The following ZHX3 variants were observed in gnomAD, a reference collection of about 807,000 sequenced individuals.
The protein encoded by ZHX3 is zinc fingers and homeoboxes 3, also known as zinc fingers and homeoboxes protein 3.
A neutral mutation model predicts 64.5 loss-of-function variants in ZHX3; 20 were observed. That is an observed-to-expected ratio of 0.31 (90% CI 0.22 to 0.45). ZHX3 has a LOEUF of 0.45. Among genes scored for constraint, ZHX3 ranks in the 20% least tolerant of loss-of-function variants. ZHX3 has a pLI of 1.00. For missense variants in ZHX3, 1,041 were observed against 1,195.8 expected, an observed-to-expected ratio of 0.87 and a Z score of 1.91; for synonymous variants, 423 against 461.6, an observed-to-expected ratio of 0.92 and a Z score of 1.07.
intron 1 of ZHX3, among the ~76,000 whole-genome samples, chr20:41,304,569 C>CTATA (rs570463916): frequency 2.0e-5 from 3 of 152,138 alleles, no homozygotes; most frequent in Non-Finnish European, 4.4e-5. Context: ...TATGAAACAA[C>CTATA]TATATATATG....
rs1438356475 is a variant in ZHX3, at chr20:41,317,632, C to G, written c.-368G>C. The G allele has an allele frequency of 2.0e-5, 3 of 149,694 alleles. No homozygotes were observed. The highest frequency in any genetic ancestry group is 6.6e-5 in the Admixed American group (1 of 15,048). The allele number at this position is 149,694 out of a possible 1,614,324, so 9.3% of individuals were successfully genotyped here. On this transcript the variant is annotated 5_prime_UTR_variant, in exon 1 of 4. Coordinates refer to ENST00000683867, the MANE Select transcript of ZHX3 (RefSeq NM_001384317.1). ...GCAGAGGCGGCGGCGGCGGCGACGC[C>G]GGAGCCGCGGACTGCTGAGCGGCGG...
At position 41,224,105 on chromosome 20, in the gene ZHX3, T is replaced by C. The variant is rs2040117790; in HGVS notation, c.-150-19039A>G. On this transcript the variant is annotated intron_variant, in intron 2 of 3. Coordinates refer to ENST00000683867, the MANE Select transcript of ZHX3 (RefSeq NM_001384317.1). This position sits in a 1 kb window ranked among gnomAD's most constrained non-coding sequence, Gnocchi z 5.2. ...AGCAAAACAAAAAAAATACCCAAAA[T>C]GGAGGAGTGGGACAATATATGCAGT... Among the ~76,000 whole-genome samples, 1 of 152,026 alleles carries C rather than the reference T, an allele frequency of 6.6e-6. No homozygotes were observed. Among genetic ancestry groups the C allele is most frequent in the Non-Finnish European group, 1.5e-5 (1 of 68,000 alleles).
chr20:41,228,461 G>A lies in ZHX3; in HGVS notation c.-150-23395C>T, dbSNP rs1292751334. Among the ~76,000 whole-genome samples the A allele has an allele frequency of 6.6e-6, 1 of 152,184 alleles. No homozygotes were observed. Among genetic ancestry groups the A allele is most frequent in the Non-Finnish European group, 1.5e-5 (1 of 68,042 alleles). On this transcript the variant is annotated intron_variant, in intron 2 of 3. Transcript: ENST00000683867. The surrounding 1 kb of genome is among the most constrained non-coding windows in gnomAD (Gnocchi z 4.6). ...TAGACTGGATGGCTTATAAACAACA[G>A]AAATGTATTTCTCACAGTTCTTGAG...
Position 41,202,591 on chromosome 20 carries a change from G to A in ZHX3, c.2326C>T (p.Arg776Trp), listed in dbSNP as rs373410498. ...ACAAAGAGCTGCCGCAGCAAGTGCC[G>A]CTGCTGGGCAGTCTTTTTGCAGCTC... is the stretch of plus-strand genomic sequence containing the variant. ...KVSCKKTAQQ[R>W]HLLRQLFVQT... is the part of the protein sequence containing the mutation. Residue 776 changes from arginine to tryptophan, a missense_variant, in exon 3 of 4, where the codon CGG (arginine) becomes TGG (tryptophan). By Grantham distance (101) the Arg-to-Trp change is moderately radical. Around this residue, in one of 4 missense-constraint regions of ZHX3, gnomAD observed 649 missense variants for 739.8 expected, o/e 0.88. Coordinates refer to ENST00000683867, the MANE Select transcript of ZHX3 (RefSeq NM_001384317.1). This position sits in a 1 kb window ranked among gnomAD's most constrained non-coding sequence, Gnocchi z 7.0. The A allele has an allele frequency of 4.4e-5, 71 of 1,613,778 alleles. No homozygotes were observed. The highest frequency in any genetic ancestry group is 1.6e-4 in the African/African-American group (12 of 74,902).
rs1301118137 is a variant in ZHX3, at chr20:41,219,843, A to G, written c.-150-14777T>C. Among the ~76,000 whole-genome samples the G allele has an allele frequency of 6.6e-6, 1 of 152,250 alleles. No homozygotes were observed. The highest frequency in any genetic ancestry group is 2.4e-5 in the African/African-American group (1 of 41,464). On this transcript the variant is annotated intron_variant, in intron 2 of 3. Transcript: ENST00000683867. This position sits in a 1 kb window ranked among gnomAD's most constrained non-coding sequence, Gnocchi z 5.0. Reference sequence around the variant, plus strand: ...GGGGAAAAGTTTTATGAGAAAGTATAGGCTTTGCCTCACTATTTATTCTCT... The same window carrying G: ...GGGGAAAAGTTTTATGAGAAAGTATGGGCTTTGCCTCACTATTTATTCTCT...
chr20:41,241,672 G>C (rs1257105655), intron 2 of ZHX3, among the ~76,000 whole-genome samples: 1 of 152,150 alleles, frequency 6.6e-6, no homozygotes, highest in Non-Finnish European at 1.5e-5. Flanking sequence ...TTTGAAGTTA[G>C]GTAATGTGAT....
At chr20:41,233,112 C>T (rs2040735168) in intron 2 of ZHX3, among the ~76,000 whole-genome samples, 1 of 152,222 alleles carries the variant, frequency 6.6e-6, no homozygotes, top group African/African-American at 2.4e-5. Flanking sequence ...TCCCAATCAC[C>T]TTTTGAATGC....
intron 2 of ZHX3, among the ~76,000 whole-genome samples, chr20:41,257,208 C>T (rs1288555827): frequency 6.6e-6 from 1 of 152,186 alleles, no homozygotes; most frequent in African/African-American, 2.4e-5. Flanking sequence ...GCAACATCTT[C>T]AGAGAACTTA....
rs1391668224 is a variant in ZHX3, at chr20:41,232,798, G to T, written c.-150-27732C>A. 6.6e-6 allele frequency among the ~76,000 whole-genome samples: 1 copy of T among 151,846 alleles called. No individual in the cohort carries two copies. The highest frequency in any genetic ancestry group is 2.4e-5 in the African/African-American group (1 of 41,326). On this transcript the variant is annotated intron_variant, in intron 2 of 3. Coordinates refer to ENST00000683867, the MANE Select transcript of ZHX3 (RefSeq NM_001384317.1). The surrounding 1 kb of genome is among the most constrained non-coding windows in gnomAD (Gnocchi z 5.0). The stretch of plus-strand genomic sequence containing the variant: ...GACGGGGTTTCACCGTGTTAGCCAG[G>T]ATAGTCTCGATCTCCTGACCTCGTG...
intron 1 of ZHX3, among the ~76,000 whole-genome samples, chr20:41,305,791 A>T (rs1164528444): frequency 6.6e-6 from 1 of 152,028 alleles, no homozygotes; most frequent in Non-Finnish European, 1.5e-5. Flanking sequence ...CTCAAAAAAA[A>T]TATAAATAAA....
chr20:41,196,576 A>ATATATATATTATATATAATATATATAAAT, intron 3 of ZHX3: 1 of 93,234 alleles, frequency 1.1e-5, no homozygotes, highest in Non-Finnish European at 2.0e-5. Context: ...TATATATAAA[A>ATATATATATTATATATAATATATATAAAT]ATATATATAT....
chr20:41,192,804 T>A (rs535740557), intron 3 of ZHX3, among the ~76,000 whole-genome samples: 2 of 152,320 alleles, frequency 1.3e-5, no homozygotes, highest in East Asian at 3.9e-4. Context: ...CAGTGCGAGC[T>A]CCGTTCTGGA....
intron 2 of ZHX3, among the ~76,000 whole-genome samples, chr20:41,231,182 C>T (rs918613834): frequency 2.6e-5 from 4 of 152,086 alleles, no homozygotes; most frequent in African/African-American, 4.8e-5. Flanking sequence ...CCCCCCATTG[C>T]TTTTTATTTT....
intron 1 of ZHX3, among the ~76,000 whole-genome samples, chr20:41,298,428 T>C (rs6102345): frequency 0.023 from 3,495 of 152,274 alleles, 123 homozygotes; most frequent in African/African-American, 0.079. Flanking sequence ...CAAACTGAAG[T>C]TGGTTAAGTC....
intron 2 of ZHX3, among the ~76,000 whole-genome samples, chr20:41,223,310 G>C (rs897246047): frequency 1.3e-5 from 2 of 152,162 alleles, no homozygotes; most frequent in Admixed American, 1.3e-4. Flanking sequence ...CTGCCTCTAG[G>C]AAGGCAGCCT....
intron 1 of ZHX3, among the ~76,000 whole-genome samples, chr20:41,270,677 G>GAAA (rs11317009): frequency 2.2e-5 from 3 of 138,934 alleles, no homozygotes; most frequent in Non-Finnish European, 1.6e-5. Context: ...CTCCGTCTCA[G>GAAA]AAAAAAAAAA....
At chr20:41,194,172 T>G (rs1409098720) in intron 3 of ZHX3, among the ~76,000 whole-genome samples, 14 of 152,214 alleles carry the variant, frequency 9.2e-5, no homozygotes, top group Admixed American at 9.2e-4. Context: ...ATTCCTGATC[T>G]CAGGGGAAAA....
intron 2 of ZHX3, among the ~76,000 whole-genome samples, chr20:41,260,475 T>A (rs1258096344): frequency 6.6e-6 from 1 of 152,162 alleles, no homozygotes; most frequent in Non-Finnish European, 1.5e-5. Flanking sequence ...ACTCCAGATG[T>A]CACTTCTGGA....
At chr20:41,303,912 A>G (rs1015260367) in intron 1 of ZHX3, among the ~76,000 whole-genome samples, 3 of 152,132 alleles carry the variant, frequency 2.0e-5, no homozygotes, top group African/African-American at 7.2e-5. Context: ...CTTCATTACC[A>G]TGGATTCTCT....
Sources: allele counts gnomAD v4.1 joint callset (sites outside exome capture counted in the v4.1 genomes callset), GRCh38; gene constraint gnomAD v4.1.1; regional missense constraint gnomAD v4.1.1; non-coding constraint Gnocchi (gnomAD v3.1); transcripts MANE v1.5; gene names NCBI Gene and HGNC (gene_info 2026-07-23, HGNC 2026-07-21).